Variants in MAGI2 observed in about 807,000 individuals in gnomAD.
The protein encoded by MAGI2 is membrane-associated guanylate kinase, WW and PDZ domain-containing protein 2.
MAGI2 carries 35 observed loss-of-function variants against 133.3 expected under a neutral mutation model. The observed-to-expected ratio is 0.26, with a 90% CI of 0.20 to 0.35. The LOEUF (loss-of-function observed/expected upper bound fraction) is 0.35. MAGI2 is among the 10% of genes least tolerant of loss of function. The pLI, the probability that MAGI2 is intolerant of heterozygous loss-of-function variation, is 1.00. For missense variants in MAGI2, 1,636 were observed against 1,863.4 expected, an observed-to-expected ratio of 0.88 and a Z score of 2.25; for synonymous variants, 729 against 710.6, an observed-to-expected ratio of 1.03 and a Z score of -0.41.
In MAGI2 at chr7:78,562,999, T is replaced by TG. The variant is rs535453599; in HGVS notation, c.539-41355_539-41354insC. 1.2e-4 allele frequency among the ~76,000 whole-genome samples: 18 copies of TG among 148,928 alleles called. 1 individual carries two copies. In the South Asian group the frequency reaches 2.6e-3, roughly 21 times the overall value. The stretch of plus-strand genomic sequence containing the variant: ...TCTTTGTGAGTTTCTTTTTTGTTGT[T>TG]TTTTTTTTTTAATGAGTGGTCATTT... On this transcript the variant is annotated intron_variant, in intron 3 of 21. Transcript: ENST00000354212.
At chr7:78,031,613 A>G (rs920102573) in intron 21 of MAGI2, among the ~76,000 whole-genome samples, 4 of 152,188 alleles carry the variant, frequency 2.6e-5, no homozygotes, top group African/African-American at 9.7e-5. Flanking sequence ...TAATCTTTAG[A>G]AGGCATCTTT....
At chr7:79,407,317 C>G (rs1244667681) in intron 1 of MAGI2, among the ~76,000 whole-genome samples, 1 of 152,054 alleles carries the variant, frequency 6.6e-6, no homozygotes, top group East Asian at 1.9e-4. Context: ...GCTATTTTTC[C>G]AGATCAGCCA....
At chr7:79,248,861 T>TTTATC (rs1339391942) in intron 1 of MAGI2, among the ~76,000 whole-genome samples, 2 of 151,722 alleles carry the variant, frequency 1.3e-5, no homozygotes, top group East Asian at 3.9e-4. Flanking sequence ...TTTATTTTAT[T>TTTATC]TTATTTATTT....
Position 79,211,945 on chromosome 7 carries a change from T to C in MAGI2, c.302-204739A>G, listed in dbSNP as rs578040766. 3.3e-5 allele frequency among the ~76,000 whole-genome samples: 5 copies of C among 152,066 alleles called. No individual in the cohort carries two copies. The South Asian group carries it at 1.0e-3, about 32-fold the overall frequency. On this transcript the variant is annotated intron_variant, in intron 1 of 21. Coordinates refer to ENST00000354212, the MANE Select transcript of MAGI2 (RefSeq NM_012301.4). Reference sequence around the variant, plus strand: ...GAAACAAACACAGCTTGTGTAATAATACCTGTGCATTGCAAAATTTTCAAA... The same window carrying C: ...GAAACAAACACAGCTTGTGTAATAACACCTGTGCATTGCAAAATTTTCAAA...
chr7:79,262,640 A>G (rs1245526387), intron 1 of MAGI2, among the ~76,000 whole-genome samples: 1 of 152,228 alleles, frequency 6.6e-6, no homozygotes, highest in African/African-American at 2.4e-5. Flanking sequence ...AAGTATCACC[A>G]CATTACAAAG....
intron 2 of MAGI2, among the ~76,000 whole-genome samples, chr7:78,680,406 A>T (rs548228648): frequency 6.6e-6 from 1 of 152,294 alleles, no homozygotes; most frequent in Non-Finnish European, 1.5e-5. Flanking sequence ...GTTACCCTCA[A>T]GAACAAAGTA....
chr7:78,236,143 T>A (rs1268843989), intron 10 of MAGI2, among the ~76,000 whole-genome samples: 2 of 152,002 alleles, frequency 1.3e-5, no homozygotes, highest in African/African-American at 2.4e-5. Flanking sequence ...CCCATTAGTG[T>A]TAAACTCCAT....
intron 3 of MAGI2, among the ~76,000 whole-genome samples, chr7:78,552,109 A>T (rs1223581557): frequency 6.6e-6 from 1 of 151,582 alleles, no homozygotes; most frequent in Non-Finnish European, 1.5e-5. Flanking sequence ...GGGCAATTCG[A>T]CTTGAAGAAA....
chr7:78,087,492 G>A lies in MAGI2; in HGVS notation c.3568-8407C>T, dbSNP rs543033629. 3.3e-5 allele frequency among the ~76,000 whole-genome samples: 5 copies of A among 150,880 alleles called. No individual in the cohort carries two copies. The South Asian group carries it at 6.3e-4, about 19-fold the overall frequency. ...AGATCATTATAATTATCATAATAAC[G>A]GTAGAAGAGATAAAAAAAGTAATAA... On this transcript the variant is annotated intron_variant, in intron 20 of 21. Transcript: ENST00000354212.
intron 6 of MAGI2, among the ~76,000 whole-genome samples, chr7:78,380,934 T>A (rs1370163714): frequency 1.3e-5 from 2 of 152,126 alleles, no homozygotes; most frequent in African/African-American, 4.8e-5. Flanking sequence ...TTTTAAAACC[T>A]AAAATGGGCA....
chr7:78,297,104 G>C (rs1797329957), intron 9 of MAGI2, among the ~76,000 whole-genome samples: 1 of 152,232 alleles, frequency 6.6e-6, no homozygotes. Flanking sequence ...ATGTAAGGTG[G>C]TGGAGTATAA....
intron 6 of MAGI2, among the ~76,000 whole-genome samples, chr7:78,471,509 T>C (rs569473764): frequency 3.3e-5 from 5 of 152,182 alleles, no homozygotes; most frequent in Admixed American, 6.5e-5. Flanking sequence ...CAAGAATGTA[T>C]TGAATCACCT....
intron 2 of MAGI2, among the ~76,000 whole-genome samples, chr7:78,746,768 G>T (rs915826530): frequency 6.6e-6 from 1 of 152,104 alleles, no homozygotes; most frequent in African/African-American, 2.4e-5. Flanking sequence ...GATTTAGTCT[G>T]AGAGTTTTCT....
intron 9 of MAGI2, among the ~76,000 whole-genome samples, chr7:78,304,179 GC>G (rs1400443298): frequency 3.0e-4 from 46 of 152,054 alleles, no homozygotes; most frequent in African/African-American, 1.1e-3. Flanking sequence ...TTGGACTATT[GC>G]CTTCCTTTCT....
rs927509602 is a variant in MAGI2 at position 78,356,164 on chromosome 7, T to C, written c.1104-10121A>G. Among the ~76,000 whole-genome samples, 5 of 152,198 alleles carry C rather than the reference T, an allele frequency of 3.3e-5. No individual in the cohort carries two copies. The East Asian group carries it at 7.7e-4, about 23-fold the overall frequency. On this transcript the variant is annotated intron_variant, in intron 7 of 21. Transcript: ENST00000354212. Reference sequence around the variant, plus strand: ...TGGGTCATGTCTCTGGCAATTATGATAATGATAATAAGGTGATTCTGTGCT... The same window carrying C: ...TGGGTCATGTCTCTGGCAATTATGACAATGATAATAAGGTGATTCTGTGCT...
chr7:78,486,959 A>G, intron 6 of MAGI2: 2 of 526,444 alleles, frequency 3.8e-6, no homozygotes, highest in East Asian at 5.5e-5. Flanking sequence ...GGCCGGGTCC[A>G]TGGCTGGCAG....
chr7:79,275,629 G>T (rs1835174036), intron 1 of MAGI2, among the ~76,000 whole-genome samples: 2 of 152,108 alleles, frequency 1.3e-5, no homozygotes, highest in Admixed American at 6.6e-5. Flanking sequence ...ATAGCCTATT[G>T]GAAGAAGATG....
intron 19 of MAGI2, among the ~76,000 whole-genome samples, chr7:78,126,178 C>A (rs1303618135): frequency 1.5e-5 from 2 of 136,096 alleles, no homozygotes; most frequent in African/African-American, 5.7e-5. Flanking sequence ...TATTGAGCAC[C>A]ATAAATAAAT....
chr7:79,139,578 G>A (rs1223255513), intron 1 of MAGI2, among the ~76,000 whole-genome samples: 1 of 152,122 alleles, frequency 6.6e-6, no homozygotes, highest in Non-Finnish European at 1.5e-5. Flanking sequence ...GAGACAAATG[G>A]GAGGTTGTAT....
Sources: allele counts gnomAD v4.1 joint callset (sites outside exome capture counted in the v4.1 genomes callset), GRCh38; gene constraint gnomAD v4.1.1; transcripts MANE v1.5; gene names NCBI Gene and HGNC (gene_info 2026-07-23, HGNC 2026-07-21).